GFRA3: variants seen among roughly 807,000 people sequenced by gnomAD.
The protein encoded by GFRA3 is GDNF family receptor alpha 3.
A neutral mutation model predicts 40.0 loss-of-function variants in GFRA3; 24 were observed. The ratio of observed to expected loss-of-function variants is 0.60; its 90% CI spans 0.43 to 0.84. The LOEUF (loss-of-function observed/expected upper bound fraction) is 0.84. GFRA3 is among the 40% of genes least tolerant of loss of function. The pLI is 0.00. For synonymous variants in GFRA3, 203 were observed against 213.5 expected (o/e 0.95, Z 0.43); for missense variants, 405 against 530.6 (o/e 0.76, Z 2.33).
Position 138,257,833 on chromosome 5 carries a change from G to A in GFRA3, c.591C>T (p.Leu197=). 3 of 1,613,850 alleles carry A rather than the reference G, an allele frequency of 1.9e-6. No individual in the cohort carries two copies. The highest frequency in any genetic ancestry group is 2.5e-6 in the Non-Finnish European group (3 of 1,179,926). Residue 197 remains leucine (L), a synonymous_variant, in exon 4 of 8, where the codon CTC becomes CTT. Transcript: ENST00000274721. ...TCTCGAAGAAAGTGAGCAGCTGCCT[G>A]AGGCAGACGTGGCGCTGGCAGTGGG... is the stretch of plus-strand genomic sequence containing the variant. ...SGPHCQRHVC[L]RQLLTFFEKA...
chr5:138,253,886 G>A lies in GFRA3; in HGVS notation c.904C>T (p.Pro302Ser). ...GTGTTGACATTGCTGACAAAGTTGGGGGTCATGGCAGTCCCTGTGAAGAGG... is the reference window on the plus strand; with the variant it reads ...GTGTTGACATTGCTGACAAAGTTGGAGGTCATGGCAGTCCCTGTGAAGAGG... ...YLGLIGTAMTPNFVSNVNTSV... is the reference protein window; with the variant it reads ...YLGLIGTAMTSNFVSNVNTSV... The change falls in exon 6 of 8, where the codon CCC becomes TCC. Residue 302 changes from proline (P) to serine (S), a missense_variant. Coordinates refer to ENST00000274721, the MANE Select transcript of GFRA3 (RefSeq NM_001496.4). 1 of 1,613,920 alleles carries A rather than the reference G, an allele frequency of 6.2e-7. No homozygotes were observed. The highest frequency in any genetic ancestry group is 8.5e-7 in the Non-Finnish European group (1 of 1,179,832).
rs567058364 is a variant in GFRA3 at position 138,257,627 on chromosome 5, C to G, written c.785+12G>C. On this transcript the variant is annotated intron_variant, in intron 4 of 7. Coordinates refer to ENST00000274721, the MANE Select transcript of GFRA3 (RefSeq NM_001496.4). The stretch of plus-strand genomic sequence containing the variant: ...CTCATCCCTGCCCACCCTGTCCTCC[C>G]AAACTACACACCTGCAAAGCGGGTC... 9.4e-6 allele frequency: 15 copies of G among 1,603,858 alleles called. No individual in the cohort carries two copies. In the African/African-American group the frequency reaches 1.5e-4, roughly 16 times the overall value.
intron 4 of GFRA3, among the ~76,000 whole-genome samples, chr5:138,257,208 T>G (rs888803617): frequency 5.9e-5 from 9 of 152,238 alleles, no homozygotes; most frequent in African/African-American, 2.2e-4. Context: ...CAAACCCGTC[T>G]GACTTCAGAT....
In GFRA3 at chr5:138,257,750, C is replaced by T. The variant is rs1468659289; in HGVS notation, c.674G>A (p.Arg225Gln). ...LLLCPCAPNDRGCGERRRNTI... is the reference protein window; with the variant it reads ...LLLCPCAPNDQGCGERRRNTI... ...GTTGCGCCGGCGCTCCCCGCAGCCC[C>T]GGTCGTTGGGGGCACATGGGCACAG... The change falls in exon 4 of 8, where the codon CGG (arginine) becomes CAG (glutamine). Residue 225 changes from arginine (R) to glutamine (Q), a missense_variant. By Grantham distance (43) the Arg-to-Gln change is conservative (BLOSUM62 1). Transcript: ENST00000274721. 6.2e-7 allele frequency: 1 copy of T among 1,609,988 alleles called. No individual in the cohort carries two copies. Among genetic ancestry groups the T allele is most frequent in the South Asian group, 1.1e-5 (1 of 90,886 alleles).
intron 1 of GFRA3, chr5:138,267,874 A>G (rs569795045): frequency 6.6e-6 from 1 of 152,360 alleles, no homozygotes; most frequent in Non-Finnish European, 1.5e-5. Flanking sequence ...AGCAAACGAA[A>G]ACATAAAGTG....
At chr5:138,255,684 A>G (rs1362583628) in intron 4 of GFRA3, among the ~76,000 whole-genome samples, 1 of 152,022 alleles carries the variant, frequency 6.6e-6, no homozygotes, top group African/African-American at 2.4e-5. Flanking sequence ...TGATCACTTG[A>G]GCTCAGGAGT....
chr5:138,253,203 G>A (rs532608304), intron 7 of GFRA3, 84 bp downstream of exon 7: 52 of 950,008 alleles, frequency 5.5e-5, no homozygotes, highest in African/African-American at 3.6e-4. Context: ...TCAGCCCCTC[G>A]CCTCTATCCC....
chr5:138,262,049 T>C (rs1755718340), intron 2 of GFRA3, among the ~76,000 whole-genome samples: 1 of 152,138 alleles, frequency 6.6e-6, no homozygotes, highest in African/African-American at 2.4e-5. Context: ...CATGAGATGA[T>C]AGAAATCAAA....
intron 1 of GFRA3, chr5:138,267,287 G>C (rs1212880383): frequency 6.7e-6 from 1 of 149,668 alleles, no homozygotes; most frequent in Non-Finnish European, 1.5e-5. Context: ...CGCCTCCTGG[G>C]TTCAAGTGAT....
intron 2 of GFRA3, among the ~76,000 whole-genome samples, chr5:138,263,971 C>T (rs1755745727): frequency 6.6e-6 from 1 of 152,162 alleles, no homozygotes; most frequent in Admixed American, 6.5e-5. Flanking sequence ...TGTCCATACC[C>T]GCTGTTCCAG....
Position 138,257,806 on chromosome 5 carries a change from C to T in GFRA3, c.618G>A (p.Lys206=), listed in dbSNP as rs373886608. 7 of 1,613,426 alleles carry T rather than the reference C, an allele frequency of 4.3e-6. No individual in the cohort carries two copies. Among genetic ancestry groups the T allele is most frequent in the Non-Finnish European group, 5.9e-6 (7 of 1,179,762 alleles). The change falls in exon 4 of 8, where the codon AAG becomes AAA. Residue 206 remains lysine, a synonymous_variant. Coordinates refer to ENST00000274721, the MANE Select transcript of GFRA3 (RefSeq NM_001496.4). ...GGCCCTGCGCGTGGGGCTCGGCGGC[C>T]TTCTCGAAGAAAGTGAGCAGCTGCC... is the stretch of plus-strand genomic sequence containing the variant. ...CLRQLLTFFE[K]AAEPHAQGLL...
intron 4 of GFRA3, 76 bp downstream of exon 4, chr5:138,257,563 C>G: frequency 7.5e-7 from 1 of 1,324,946 alleles, no homozygotes; most frequent in Non-Finnish European, 1.0e-6. Context: ...TCAGACCCTG[C>G]TCAGCACAGG....
In GFRA3 at chr5:138,257,727, TGCGCCGGC is replaced by T; in HGVS notation, c.689_696del (p.Arg230GlnfsTer97). 1 of 1,609,784 alleles carries T rather than the reference TGCGCCGGC, an allele frequency of 6.2e-7. No homozygotes were observed. The highest frequency in any genetic ancestry group is 8.5e-7 in the Non-Finnish European group (1 of 1,178,232). On this transcript the variant is annotated frameshift_variant, in exon 4 of 8. Coordinates refer to ENST00000274721, the MANE Select transcript of GFRA3 (RefSeq NM_001496.4). LOFTEE classifies it high-confidence loss of function. ...AGCGCGCAGTTGGGGGCGATGGTGT[TGCGCCGGC>T]GCTCCCCGCAGCCCCGGTCGTTGGG...
intron 3 of GFRA3, 26 bp downstream of exon 3, chr5:138,259,530 GT>G: frequency 9.6e-7 from 1 of 1,036,408 alleles, no homozygotes; most frequent in Non-Finnish European, 1.5e-6. Context: ...CCAGCCTCTG[GT>G]TCCCGAGCCT....
At position 138,252,762 on chromosome 5, in the gene GFRA3, G is replaced by A. The variant is rs1755566656; in HGVS notation, c.*206C>T. The A allele has an allele frequency of 4.2e-6, 2 of 472,636 alleles. No individual in the cohort carries two copies. The highest frequency in any genetic ancestry group is 3.9e-5 in the African/African-American group (2 of 50,996). The allele number at this position is 472,636 out of a possible 1,614,324, so 29.3% of individuals were successfully genotyped here. A position where few individuals can be genotyped will look rare whatever the true frequency, so the allele number is the denominator to read the frequency against. On this transcript the variant is annotated 3_prime_UTR_variant, in exon 8 of 8. Coordinates refer to ENST00000274721, the MANE Select transcript of GFRA3 (RefSeq NM_001496.4). ...ACATGGCTAAATTGTGGCCACCAAGGAGGGGCAGCATGAATCAGAAGTGGA... is the reference window on the plus strand; with the variant it reads ...ACATGGCTAAATTGTGGCCACCAAGAAGGGGCAGCATGAATCAGAAGTGGA...
rs940894710 is a variant in GFRA3 at position 138,274,293 on chromosome 5, C to G, written c.91+41G>C. ...GGCCTCGCCTACACCTCACCTCCCC[C>G]TCCCACTGTACCCCCGGCCGGTGCG... On this transcript the variant is annotated intron_variant, in intron 1 of 7. Coordinates refer to ENST00000274721, the MANE Select transcript of GFRA3 (RefSeq NM_001496.4). The G allele has an allele frequency of 3.0e-6, 4 of 1,321,512 alleles. No individual in the cohort carries two copies. The African/African-American group carries it at 6.0e-5, about 20-fold the overall frequency. 81.9% of individuals were successfully genotyped at this position (1,321,512 alleles called of 1,614,324 possible). A position where few individuals can be genotyped will look rare whatever the true frequency, so the allele number is the denominator to read the frequency against.
At chr5:138,254,194 T>C (rs1219774868) in intron 4 of GFRA3, 34 bp from the exon 5 acceptor site, 4 of 1,335,716 alleles carry the variant, frequency 3.0e-6, no homozygotes, top group Non-Finnish European at 3.2e-6. Context: ...TTTCTTTTTT[T>C]TTTTTTTTTG....
intron 3 of GFRA3, among the ~76,000 whole-genome samples, chr5:138,259,164 G>T (rs1755677477): frequency 6.6e-6 from 1 of 152,152 alleles, no homozygotes; most frequent in African/African-American, 2.4e-5. Flanking sequence ...CCATTAGAAT[G>T]GTTGAAAACA....
rs887127114 is a variant in GFRA3, at chr5:138,258,229, G to A, written c.473-278C>T. Among the ~76,000 whole-genome samples the A allele has an allele frequency of 5.7e-5, 7 of 123,532 alleles. No homozygotes were observed. In the East Asian group the frequency reaches 1.1e-3, roughly 20 times the overall value. 81.0% of individuals were successfully genotyped at this position (123,532 alleles called of 152,430 possible). A position where few individuals can be genotyped will look rare whatever the true frequency, so the allele number is the denominator to read the frequency against. On this transcript the variant is annotated intron_variant, in intron 3 of 7. Coordinates refer to ENST00000274721, the MANE Select transcript of GFRA3 (RefSeq NM_001496.4). ...GAGTTTTGCTCTTGTTGGCCAAGCC[G>A]AAGTGCAATGGCGTGATCTCGGCTC...
Sources: allele counts gnomAD v4.1 joint callset (sites outside exome capture counted in the v4.1 genomes callset), GRCh38; gene constraint gnomAD v4.1.1; transcripts MANE v1.5; gene names NCBI Gene and HGNC (gene_info 2026-07-23, HGNC 2026-07-21).